The following ZBTB38 variants were observed in gnomAD, a reference collection of about 807,000 sequenced individuals.
The protein encoded by ZBTB38 is zinc finger and BTB domain-containing protein 38.
In ZBTB38, 20 loss-of-function variants were observed where a neutral mutation model predicts 76.8. The ratio of observed to expected loss-of-function variants is 0.26; its 90% CI spans 0.18 to 0.38. ZBTB38 has a LOEUF of 0.38. ZBTB38 is among the 10% of genes least tolerant of loss of function. The pLI, the probability that ZBTB38 is intolerant of heterozygous loss-of-function variation, is 1.00. For missense variants in ZBTB38, 1,082 were observed against 1,482.3 expected (o/e 0.73, Z 4.43); for synonymous variants, 504 against 544.2 (o/e 0.93, Z 1.03).
At chr3:141,344,357 A>T (rs766994680) in intron 1 of ZBTB38, among the ~76,000 whole-genome samples, 12 of 151,364 alleles carry the variant, frequency 7.9e-5, no homozygotes, top group Non-Finnish European at 8.8e-5. Context: ...TCCTTCCTCC[A>T]TCTTCTTCTT....
At chr3:141,367,308 C>T (rs1944006072), upstream of ZBTB38, 1 of 152,350 alleles carries the variant, frequency 6.6e-6, no homozygotes, top group Non-Finnish European at 1.5e-5. Flanking sequence ...CTACCACATG[C>T]CACAGGCTTG....
At chr3:141,426,629 CT>C (rs1276784629) in intron 5 of ZBTB38, among the ~76,000 whole-genome samples, 2 of 152,172 alleles carry the variant, frequency 1.3e-5, no homozygotes, top group African/African-American at 4.8e-5. Context: ...AAGCTAAGTC[CT>C]TTACAAACAC....
At chr3:141,379,614 C>T (rs750020433) in intron 2 of ZBTB38, among the ~76,000 whole-genome samples, 18 of 152,268 alleles carry the variant, frequency 1.2e-4, no homozygotes, top group Non-Finnish European at 2.4e-4. Flanking sequence ...GCTGACTTTC[C>T]GTAGTCGTTG....
intron 2 of ZBTB38, among the ~76,000 whole-genome samples, chr3:141,371,045 C>CTTTCTTTTTTTTTTTTTTTTTTTTTTTTT (rs1944498561): frequency 2.8e-5 from 2 of 72,006 alleles, no homozygotes; most frequent in African/African-American, 1.6e-4. Context: ...TTCTTTCTTT[C>CTTTCTTTTTTTTTTTTTTTTTTTTTTTTT]TTTTTTTTTT....
intron 5 of ZBTB38, among the ~76,000 whole-genome samples, chr3:141,426,644 G>A (rs1048287988): frequency 3.3e-5 from 5 of 152,138 alleles, no homozygotes; most frequent in African/African-American, 1.2e-4. Context: ...CAAACACCCA[G>A]CACCAAGGCC....
chr3:141,430,052 CGTTTTTT>C (rs1559955278), intron 5 of ZBTB38, among the ~76,000 whole-genome samples: 2 of 151,588 alleles, frequency 1.3e-5, no homozygotes, highest in African/African-American at 4.9e-5. Context: ...TTTGTTTTTT[CGTTTTTT>C]GTTTTGTTTT....
At chr3:141,339,851 G>C (rs1048846227) in intron 1 of ZBTB38, among the ~76,000 whole-genome samples, 8 of 152,234 alleles carry the variant, frequency 5.3e-5, no homozygotes, top group Admixed American at 2.0e-4. Flanking sequence ...GTCCGGGCTA[G>C]AGATACTAAT....
chr3:141,441,711 T>TA (rs965760273), intron 5 of ZBTB38, among the ~76,000 whole-genome samples: 45 of 152,180 alleles, frequency 3.0e-4, no homozygotes, highest in African/African-American at 9.6e-4. Context: ...AAAATTCATT[T>TA]AAAAAAATAG....
chr3:141,433,713 C>G (rs1189320147), intron 5 of ZBTB38, among the ~76,000 whole-genome samples: 1 of 152,166 alleles, frequency 6.6e-6, no homozygotes, highest in Non-Finnish European at 1.5e-5. Context: ...AGAAAGACAG[C>G]TAGATTTTCA....
chr3:141,416,543 C>T (rs1662676645), intron 5 of ZBTB38, among the ~76,000 whole-genome samples: 1 of 152,132 alleles, frequency 6.6e-6, no homozygotes, highest in Admixed American at 6.5e-5. Flanking sequence ...GATCCCAGCT[C>T]CCTCTCACAT....
chr3:141,437,716 G>A (rs577617479), intron 5 of ZBTB38, among the ~76,000 whole-genome samples: 45 of 152,236 alleles, frequency 3.0e-4, no homozygotes, highest in Middle Eastern at 3.4e-3. Flanking sequence ...CACTCCAGCT[G>A]TTCTAAACCA....
At position 141,444,340 on chromosome 3, in the gene ZBTB38, A is replaced by G. The variant is rs1320265831; in HGVS notation, c.1952A>G (p.Glu651Gly). The part of the protein sequence containing the change: ...IPTSANVQNA[E>G]GTKWGEEALK... Reference sequence around the variant, plus strand: ...ACTTCTGCCAATGTACAAAATGCAGAGGGTACCAAATGGGGAGAGGAGGCA... The same window carrying G: ...ACTTCTGCCAATGTACAAAATGCAGGGGGTACCAAATGGGGAGAGGAGGCA... The change falls in exon 6 of 6, where the codon GAG (glutamate) becomes GGG (glycine). Residue 651 changes from glutamate to glycine, a missense_variant. This residue lies in a region of ZBTB38 where 471 missense variants were observed against 581.0 expected (regional missense o/e 0.81). Coordinates refer to ENST00000321464, the MANE Select transcript of ZBTB38 (RefSeq NM_001376113.1). This position sits in a 1 kb window ranked among gnomAD's most constrained non-coding sequence, Gnocchi z 5.1. 6.2e-7 allele frequency: 1 copy of G among 1,614,104 alleles called. No individual in the cohort carries two copies. Among genetic ancestry groups the G allele is most frequent in the Admixed American group, 1.7e-5 (1 of 60,006 alleles).
intron 5 of ZBTB38, among the ~76,000 whole-genome samples, chr3:141,436,818 T>TA (rs1460130357): frequency 6.6e-6 from 1 of 152,178 alleles, no homozygotes; most frequent in Non-Finnish European, 1.5e-5. Flanking sequence ...ATTTTTATGT[T>TA]AGAGTTTTTC....
chr3:141,430,990 T>C (rs1349560852), intron 5 of ZBTB38, among the ~76,000 whole-genome samples: 2 of 151,976 alleles, frequency 1.3e-5, no homozygotes, highest in East Asian at 3.9e-4. Context: ...CTGGGACACA[T>C]CATTCCCCAC....
intron 4 of ZBTB38, among the ~76,000 whole-genome samples, chr3:141,401,289 A>C (rs1951849434): frequency 6.6e-6 from 1 of 152,212 alleles, no homozygotes; most frequent in African/African-American, 2.4e-5. Context: ...ATATGGAGGA[A>C]GAATAAAGGG....
intron 2 of ZBTB38, among the ~76,000 whole-genome samples, chr3:141,378,482 A>G (rs969590544): frequency 2.0e-5 from 3 of 152,262 alleles, no homozygotes; most frequent in Non-Finnish European, 4.4e-5. Flanking sequence ...ACAGCGATGT[A>G]AGACAACACT....
chr3:141,416,088 G>A (rs2073975854), intron 5 of ZBTB38, among the ~76,000 whole-genome samples: 1 of 152,132 alleles, frequency 6.6e-6, no homozygotes, highest in Non-Finnish European at 1.5e-5. Flanking sequence ...TCATGGCTGA[G>A]GGCATTGCCT....
At chr3:141,339,290 A>G (rs1324492056) in intron 1 of ZBTB38, among the ~76,000 whole-genome samples, 2 of 152,222 alleles carry the variant, frequency 1.3e-5, no homozygotes, top group Non-Finnish European at 2.9e-5. Context: ...TTCTAGGCCT[A>G]ACATGCCACT....
chr3:141,401,939 A>C (rs1952126099), intron 4 of ZBTB38, among the ~76,000 whole-genome samples: 1 of 152,240 alleles, frequency 6.6e-6, no homozygotes, highest in Non-Finnish European at 1.5e-5. Context: ...TGAGAATTTG[A>C]TGCAATTGAA....
Sources: gnomAD v4.1 joint callset for allele counts (sites outside exome capture counted in the v4.1 genomes callset) on GRCh38, gnomAD v4.1.1 for gene constraint, gnomAD v4.1.1 regional missense constraint, Gnocchi (gnomAD v3.1) non-coding constraint, MANE v1.5 for transcripts, NCBI Gene and HGNC (gene_info 2026-07-23, HGNC 2026-07-21) for gene names.